ASIC2: variants seen among roughly 807,000 people sequenced by gnomAD.
ASIC2 encodes the protein acid sensing ion channel subunit 2.
ASIC2 carries 25 observed loss-of-function variants against 57.3 expected under a neutral mutation model. The ratio of observed to expected loss-of-function variants is 0.44; its 90% confidence interval spans 0.32 to 0.61. ASIC2 has a LOEUF of 0.61. Among genes scored for constraint, ASIC2 ranks in the 20% least tolerant of loss-of-function variants. ASIC2 has a pLI of 0.06. For missense variants in ASIC2, 641 were observed against 738.1 expected (o/e 0.87, Z 1.52); for synonymous variants, 319 against 307.5 (o/e 1.04, Z -0.39).
chr17:33,610,260 C>T (rs1905360032), intron 1 of ASIC2, among the ~76,000 whole-genome samples: 1 of 152,134 alleles, frequency 6.6e-6, no homozygotes, highest in Non-Finnish European at 1.5e-5. Flanking sequence ...TGGGTTCAAG[C>T]AATTCTCCTG....
rs1433458766 is a variant in ASIC2, at chr17:33,334,210, A to G, written c.556-222143T>C. Among the ~76,000 whole-genome samples the G allele has an allele frequency of 2.0e-5, 3 of 152,272 alleles. No individual in the cohort carries two copies. The East Asian group carries it at 5.8e-4, about 29-fold the overall frequency. On this transcript the variant is annotated intron_variant, in intron 1 of 9. Coordinates refer to the ASIC2 transcript ENST00000359872. ...GGGGCCTCCAATCTCTTTATTTCACAATAAGATTGGAGGAGGAAGCTTTCA... is the reference window on the plus strand; with the variant it reads ...GGGGCCTCCAATCTCTTTATTTCACGATAAGATTGGAGGAGGAAGCTTTCA...
intron 1 of ASIC2, among the ~76,000 whole-genome samples, chr17:33,837,236 G>A (rs898166677): frequency 1.1e-4 from 16 of 152,156 alleles, no homozygotes; most frequent in Admixed American, 6.5e-5. Flanking sequence ...CTCCTACCAC[G>A]GCTTATGGGT....
intron 3 of ASIC2, among the ~76,000 whole-genome samples, chr17:33,038,516 A>G (rs1195743842): frequency 6.6e-6 from 1 of 152,206 alleles, no homozygotes; most frequent in Non-Finnish European, 1.5e-5. Context: ...TGGATGAGCT[A>G]GCCCGGAGAT....
intron 1 of ASIC2, among the ~76,000 whole-genome samples, chr17:33,390,153 A>C (rs1360173137): frequency 6.6e-6 from 1 of 152,086 alleles, no homozygotes; most frequent in Non-Finnish European, 1.5e-5. Context: ...TCTCTACTAA[A>C]AAGACAAAAA....
intron 1 of ASIC2, among the ~76,000 whole-genome samples, chr17:34,110,861 T>C (rs1294318095): frequency 1.3e-5 from 2 of 152,158 alleles, no homozygotes; most frequent in East Asian, 3.9e-4. Context: ...TTTGTGATCA[T>C]ATCGTCCAGC....
chr17:33,187,513 A>G (rs1906243361), intron 1 of ASIC2, among the ~76,000 whole-genome samples: 1 of 152,212 alleles, frequency 6.6e-6, no homozygotes, highest in African/African-American at 2.4e-5. Context: ...TTTGCTTAAT[A>G]AAGATGTGTT....
chr17:33,998,007 G>T (rs1445813978), intron 1 of ASIC2, among the ~76,000 whole-genome samples: 2 of 152,138 alleles, frequency 1.3e-5, no homozygotes, highest in East Asian at 1.9e-4. Flanking sequence ...CATCAGTGAA[G>T]CCATCAGGTC....
intron 1 of ASIC2, among the ~76,000 whole-genome samples, chr17:33,133,418 A>G (rs914945162): frequency 6.6e-6 from 1 of 152,184 alleles, no homozygotes; most frequent in Non-Finnish European, 1.5e-5. Context: ...GAGCCAGATT[A>G]TGGGGAACTG....
intron 3 of ASIC2, among the ~76,000 whole-genome samples, chr17:33,042,876 G>T (rs959336212): frequency 3.3e-5 from 5 of 152,100 alleles, no homozygotes; most frequent in African/African-American, 1.2e-4. Flanking sequence ...TTGCATAGAT[G>T]CATCAAACAG....
intron 1 of ASIC2, among the ~76,000 whole-genome samples, chr17:34,045,561 T>C (rs1224296655): frequency 6.6e-6 from 1 of 152,202 alleles, no homozygotes; most frequent in Non-Finnish European, 1.5e-5. Flanking sequence ...GCATCCCCAC[T>C]GCTACTGTCT....
chr17:33,318,650 T>G (rs1385600419), intron 1 of ASIC2, among the ~76,000 whole-genome samples: 1 of 152,180 alleles, frequency 6.6e-6, no homozygotes, highest in African/African-American at 2.4e-5. Flanking sequence ...TTTCCTTCTT[T>G]GCTCTAGTGA....
At chr17:33,572,588 C>T (rs1009654140) in intron 1 of ASIC2, among the ~76,000 whole-genome samples, 2 of 152,168 alleles carry the variant, frequency 1.3e-5, no homozygotes, top group Non-Finnish European at 2.9e-5. Context: ...AGTTCTGAAA[C>T]TGAAGGTGGT....
intron 1 of ASIC2, among the ~76,000 whole-genome samples, chr17:34,121,580 G>C (rs1388200554): frequency 6.6e-6 from 1 of 152,104 alleles, no homozygotes; most frequent in Non-Finnish European, 1.5e-5. Flanking sequence ...ATGCTGGAGG[G>C]ACCTTTTTGA....
intron 1 of ASIC2, among the ~76,000 whole-genome samples, chr17:33,897,883 G>T (rs1915133987): frequency 6.6e-6 from 1 of 152,160 alleles, no homozygotes; most frequent in African/African-American, 2.4e-5. Context: ...GTTGGAAGTG[G>T]ATTTACACCA....
chr17:33,818,466 C>T (rs1226276534), intron 1 of ASIC2, among the ~76,000 whole-genome samples: 1 of 152,158 alleles, frequency 6.6e-6, no homozygotes, highest in African/African-American at 2.4e-5. Flanking sequence ...TAGTGAGTTA[C>T]AGGTCTGGAT....
rs79771785 is a variant in ASIC2, at chr17:33,784,239, G to A, written c.555+371739C>T. ...ATCTGAAAAATTAATATGTATATAT[G>A]GGTTTGATGAGGGCATTCAGGGAGA... On this transcript the variant is annotated intron_variant, in intron 1 of 9. Transcript: ENST00000359872. 7.9e-3 allele frequency among the ~76,000 whole-genome samples: 1,207 copies of A among 152,308 alleles called. 11 individuals carry two copies. The highest frequency in any genetic ancestry group is 0.012 in the Non-Finnish European group (806 of 68,022).
chr17:33,632,429 C>G (rs989907021), intron 1 of ASIC2, among the ~76,000 whole-genome samples: 6 of 152,134 alleles, frequency 3.9e-5, no homozygotes, highest in African/African-American at 1.4e-4. Context: ...TGCCCCAGCA[C>G]TCAGGACTGC....
intron 1 of ASIC2, among the ~76,000 whole-genome samples, chr17:33,228,499 C>G (rs1038693465): frequency 6.6e-6 from 1 of 152,360 alleles, no homozygotes. Context: ...ATGGCACGTC[C>G]ATGTGGTGTG....
chr17:33,016,757 C>T (rs183973380), intron 8 of ASIC2, among the ~76,000 whole-genome samples: 3 of 152,032 alleles, frequency 2.0e-5, no homozygotes, highest in Admixed American at 1.3e-4. Context: ...TGCAGGCTCC[C>T]GTCTACTGCT....
Sources: allele counts gnomAD v4.1 joint callset (sites outside exome capture counted in the v4.1 genomes callset), GRCh38; gene constraint gnomAD v4.1.1; transcripts MANE v1.5; gene names NCBI Gene and HGNC (gene_info 2026-07-23, HGNC 2026-07-21).